PDE1A: variants seen among roughly 807,000 people sequenced by gnomAD.
PDE1A encodes the protein dual specificity calcium/calmodulin-dependent 3',5'-cyclic nucleotide phosphodiesterase 1A.
In PDE1A, 35 loss-of-function variants were observed where a neutral mutation model predicts 61.7. The observed-to-expected ratio is 0.57, with a 90% confidence interval of 0.43 to 0.75. The LOEUF (loss-of-function observed/expected upper bound fraction) is 0.75, where lower values mean the gene tolerates loss of function less well. PDE1A is among the 30% of genes least tolerant of loss of function. The probability of loss-of-function intolerance (pLI) is 0.00; values close to 1 mark genes in which losing one functional copy is unlikely to be tolerated. For missense variants in PDE1A, 597 were observed against 630.6 expected (o/e 0.95, Z 0.57); for synonymous variants, 232 against 213.2 (o/e 1.09, Z -0.77).
At chr2:182,238,266 C>CAAAAAAAAAAAAAAAAAAAAA (rs3063250) in intron 3 of PDE1A, among the ~76,000 whole-genome samples, 10 of 98,088 alleles carry the variant, frequency 1.0e-4, no homozygotes, top group African/African-American at 4.4e-4. Flanking sequence ...CAGACTACGT[C>CAAAAAAAAAAAAAAAAAAAAA]AAAAAAAAAA....
chr2:182,678,576 A>G, the PDE1A span, among the ~76,000 whole-genome samples: 43 of 152,342 alleles, frequency 2.8e-4, no homozygotes, highest in South Asian at 8.3e-4. Context: ...AAAAACAACT[A>G]CAAACAATAA....
intron 2 of PDE1A, among the ~76,000 whole-genome samples, chr2:182,448,479 T>C (rs1685286951): frequency 6.6e-6 from 1 of 152,048 alleles, no homozygotes; most frequent in Non-Finnish European, 1.5e-5. Context: ...ATATGCGATG[T>C]TTTAGAACCC....
chr2:182,567,913 C>T, the PDE1A span, among the ~76,000 whole-genome samples: 1,592 of 151,634 alleles, frequency 0.01, 24 homozygotes, highest in African/African-American at 0.036. Flanking sequence ...CTGCCTCAGC[C>T]TCCTGAGTAG....
At chr2:182,185,738 T>C in intron 13 of PDE1A, 154 bp downstream of exon 13, 3 of 1,416,706 alleles carry the variant, frequency 2.1e-6, no homozygotes. Flanking sequence ...ATGAGCCAAC[T>C]TTCTCATGAA....
rs142029307 is a variant in PDE1A at position 182,446,939 on chromosome 2, A to AAT, written c.101+75335_101+75336dup. ...GATTTCTGTGTTTTTTAAGTGAGAT[A>AAT]ATATATATATATATATAGACCACAT... is the stretch of plus-strand genomic sequence containing the variant. On this transcript the variant is annotated intron_variant, in intron 2 of 14. Transcript: ENST00000410103. Among the ~76,000 whole-genome samples the AAT allele has an allele frequency of 7.2e-4, 108 of 149,430 alleles. 1 individual carries two copies. Among genetic ancestry groups the AAT allele is most frequent in the South Asian group, 1.7e-3 (8 of 4,734 alleles).
intron 1 of PDE1A, among the ~76,000 whole-genome samples, chr2:182,329,404 T>C (rs1428434757): frequency 6.6e-6 from 1 of 152,176 alleles, no homozygotes; most frequent in African/African-American, 2.4e-5. Context: ...TATTTTTTTT[T>C]TGGAGATGGA....
At chr2:182,690,918 T>G in the PDE1A span, among the ~76,000 whole-genome samples, 1 of 152,096 alleles carries the variant, frequency 6.6e-6, no homozygotes. Flanking sequence ...ATGAGTGAAC[T>G]CCCATTCACA....
the PDE1A span, among the ~76,000 whole-genome samples, chr2:182,535,505 A>C: frequency 6.6e-6 from 1 of 152,106 alleles, no homozygotes; most frequent in Non-Finnish European, 1.5e-5. Context: ...TAAGAAAACT[A>C]GTGGTATTTT....
the PDE1A span, among the ~76,000 whole-genome samples, chr2:182,556,849 A>T: frequency 2.6e-5 from 4 of 152,210 alleles, no homozygotes; most frequent in African/African-American, 9.6e-5. Context: ...TAAGCCTGGT[A>T]CTTAAACACT....
intron 1 of PDE1A, among the ~76,000 whole-genome samples, chr2:182,412,039 T>C (rs1057487608): frequency 1.4e-5 from 2 of 142,464 alleles, no homozygotes; most frequent in Non-Finnish European, 3.0e-5. Flanking sequence ...GCCTGGGCAA[T>C]GGAGTGAGAC....
intron 2 of PDE1A, among the ~76,000 whole-genome samples, chr2:182,507,254 G>C (rs906979690): frequency 4.6e-5 from 7 of 152,158 alleles, no homozygotes; most frequent in Non-Finnish European, 1.0e-4. Flanking sequence ...CAGAAGCTAA[G>C]AGATCATTGT....
intron 1 of PDE1A, among the ~76,000 whole-genome samples, chr2:182,288,097 G>C (rs191920634): frequency 6.6e-6 from 1 of 152,204 alleles, no homozygotes; most frequent in Admixed American, 6.5e-5. Flanking sequence ...CATTTGATAA[G>C]TGTTTCAGTA....
chr2:182,168,907 C>T (rs1196064), intron 13 of PDE1A, among the ~76,000 whole-genome samples: 39,021 of 151,742 alleles, frequency 0.26, 5,709 homozygotes, highest in African/African-American at 0.39. Flanking sequence ...GGTTATAACA[C>T]GATTTTCAGG....
At chr2:182,390,265 C>T (rs1701345476) in intron 1 of PDE1A, among the ~76,000 whole-genome samples, 1 of 152,104 alleles carries the variant, frequency 6.6e-6, no homozygotes, top group African/African-American at 2.4e-5. Context: ...CTGGAGTTGG[C>T]TTCTTAATCT....
chr2:182,453,816 G>A (rs1468823326), intron 2 of PDE1A, among the ~76,000 whole-genome samples: 1 of 152,076 alleles, frequency 6.6e-6, no homozygotes, highest in African/African-American at 2.4e-5. Flanking sequence ...ATATCATACT[G>A]AATGGGCAAA....
At chr2:182,594,653 C>T in the PDE1A span, among the ~76,000 whole-genome samples, 3 of 152,186 alleles carry the variant, frequency 2.0e-5, no homozygotes. Flanking sequence ...AAGATACTGG[C>T]ATTTTTATAG....
chr2:182,303,314 G>A (rs1333669815), intron 1 of PDE1A, among the ~76,000 whole-genome samples: 6 of 152,118 alleles, frequency 3.9e-5, no homozygotes, highest in South Asian at 2.1e-4. Flanking sequence ...CAGAATGGAC[G>A]TTTTGTTAGC....
At chr2:182,225,896 T>A (rs1219292269) in intron 6 of PDE1A, among the ~76,000 whole-genome samples, 3 of 149,868 alleles carry the variant, frequency 2.0e-5, no homozygotes, top group African/African-American at 7.6e-5. Context: ...GAAGTTAATA[T>A]AACTAGCTGT....
intron 2 of PDE1A, among the ~76,000 whole-genome samples, chr2:182,501,694 G>A (rs188115569): frequency 9.2e-5 from 14 of 152,192 alleles, no homozygotes; most frequent in Admixed American, 9.2e-4. Flanking sequence ...CCCTATTCTA[G>A]CAATTCATTA....
Sources: allele counts gnomAD v4.1 joint callset (sites outside exome capture counted in the v4.1 genomes callset), GRCh38; gene constraint gnomAD v4.1.1; transcripts MANE v1.5; gene names NCBI Gene and HGNC (gene_info 2026-07-23, HGNC 2026-07-21).